The following RAB11FIP3 variants were observed in gnomAD, a reference collection of about 807,000 sequenced individuals.
RAB11FIP3 encodes the protein rab11 family-interacting protein 3.
In RAB11FIP3, 17 loss-of-function variants were observed where a neutral mutation model predicts 77.8. The observed-to-expected ratio is 0.22, with a 90% CI of 0.15 to 0.33. The LOEUF is 0.33. Among genes scored for constraint, RAB11FIP3 ranks in the 10% least tolerant of loss-of-function variants. The pLI, the probability that RAB11FIP3 is intolerant of heterozygous loss-of-function variation, is 1.00. For missense variants in RAB11FIP3, 1,005 were observed against 1,011.2 expected (o/e 0.99, Z 0.08); for synonymous variants, 437 against 448.2 (o/e 0.98, Z 0.31).
intron 6 of RAB11FIP3, among the ~76,000 whole-genome samples, chr16:501,791 CAAGG>C (rs2031543014): frequency 6.7e-6 from 1 of 148,698 alleles, no homozygotes; most frequent in Non-Finnish European, 1.5e-5. Flanking sequence ...ATTTCACAGG[CAAGG>C]AAGTTCAGAG....
intron 1 of RAB11FIP3, among the ~76,000 whole-genome samples, chr16:436,977 T>A (rs1207909375): frequency 1.3e-5 from 2 of 152,000 alleles, no homozygotes; most frequent in Non-Finnish European, 2.9e-5. Context: ...CTGTTTTTCC[T>A]AATAGCTAGA....
chr16:444,617 G>A (rs1015629579), intron 1 of RAB11FIP3, among the ~76,000 whole-genome samples: 6 of 152,164 alleles, frequency 3.9e-5, no homozygotes, highest in African/African-American at 1.4e-4. Context: ...GGAGGCTGAG[G>A]CAGGTGTTTT....
Position 426,917 on chromosome 16 carries a change from T to A in RAB11FIP3, c.714+197T>A, listed in dbSNP as rs2054956766. On this transcript the variant is annotated intron_variant, in intron 1 of 13. Coordinates refer to ENST00000262305, the MANE Select transcript of RAB11FIP3 (RefSeq NM_014700.4). This position sits in a 1 kb window ranked among gnomAD's most constrained non-coding sequence, Gnocchi z 5.0. ...TTGCGCTGGAGTCCCTCTTCCCTTC[T>A]TAAAAGGAGGTTCTATTCTGGGGAG... Among the ~76,000 whole-genome samples the A allele has an allele frequency of 6.6e-6, 1 of 152,152 alleles. No homozygotes were observed. The highest frequency in any genetic ancestry group is 2.4e-5 in the African/African-American group (1 of 41,442).
chr16:474,580 A>T (rs531093311), intron 3 of RAB11FIP3, among the ~76,000 whole-genome samples: 1 of 152,122 alleles, frequency 6.6e-6, no homozygotes, highest in Admixed American at 6.6e-5. Context: ...AGGGAAAGTC[A>T]GGGAGTGTAA....
intron 3 of RAB11FIP3, among the ~76,000 whole-genome samples, chr16:474,081 T>C (rs1465265980): frequency 3.3e-5 from 5 of 152,192 alleles, no homozygotes; most frequent in Admixed American, 2.0e-4. Flanking sequence ...TATGGAAAAT[T>C]TGCTCTTTTA....
At chr16:488,799 G>A (rs565885269) in intron 4 of RAB11FIP3, 52 bp from the exon 5 acceptor site, 14 of 1,584,036 alleles carry the variant, frequency 8.8e-6, no homozygotes, top group African/African-American at 1.3e-5. Flanking sequence ...CCCTCAGCTC[G>A]GGGGTGCCCT....
chr16:505,446 C>A lies in RAB11FIP3; in HGVS notation c.1396-78C>A. 1 of 1,173,880 alleles carries A rather than the reference C, an allele frequency of 8.5e-7. No individual in the cohort carries two copies. Among genetic ancestry groups the A allele is most frequent in the Non-Finnish European group, 1.2e-6 (1 of 833,154 alleles). The allele number at this position is 1,173,880 out of a possible 1,614,324, so 72.7% of individuals were successfully genotyped here. A position where few individuals can be genotyped will look rare whatever the true frequency, so the allele number is the denominator to read the frequency against. On this transcript the variant is annotated intron_variant, in intron 7 of 13. Transcript: ENST00000262305. This position sits in a 1 kb window ranked among gnomAD's most constrained non-coding sequence, Gnocchi z 4.0. ...TGTGCTGAGAAAATCCCCAGGCGGCCTCCCAGGTTGTTCCCTTGGGGGTGC... is the reference window on the plus strand; with the variant it reads ...TGTGCTGAGAAAATCCCCAGGCGGCATCCCAGGTTGTTCCCTTGGGGGTGC...
chr16:475,054 A>G, intron 3 of RAB11FIP3: 1 of 1,551,684 alleles, frequency 6.4e-7, no homozygotes, highest in South Asian at 1.2e-5. Flanking sequence ...AGGTGTGTAC[A>G]GAGCCAGGCC....
chr16:508,171 TG>T (rs780291449), intron 8 of RAB11FIP3, among the ~76,000 whole-genome samples: 1 of 152,224 alleles, frequency 6.6e-6, no homozygotes, highest in Non-Finnish European at 1.5e-5. Context: ...ATAGTGTAGC[TG>T]GGCATAAAAT....
chr16:441,344 A>G (rs995401227), intron 1 of RAB11FIP3, among the ~76,000 whole-genome samples: 2 of 152,146 alleles, frequency 1.3e-5, no homozygotes, highest in Non-Finnish European at 2.9e-5. Context: ...CGTATCCACG[A>G]TTAAACAAAC....
At chr16:502,957 C>A in intron 6 of RAB11FIP3, 47 bp from the exon 7 acceptor site, 1 of 1,440,444 alleles carries the variant, frequency 6.9e-7, no homozygotes, top group Non-Finnish European at 9.8e-7. Flanking sequence ...GGAGCATGTC[C>A]TGTGGTTTTT....
rs1481719645 is a variant in RAB11FIP3 at position 522,832 on chromosome 16, G to C, written c.*1993G>C. 6.6e-6 allele frequency: 1 copy of C among 152,350 alleles called. No individual in the cohort carries two copies. Among genetic ancestry groups the C allele is most frequent in the African/African-American group, 2.4e-5 (1 of 41,440 alleles). The allele number at this position is 152,350 out of a possible 1,614,324, so 9.4% of individuals were successfully genotyped here. ...TCTGGGGACGTACGTCCCATGTCGG[G>C]AGAGCCGTCAAAACGTCCCCGGGAT... On this transcript the variant is annotated 3_prime_UTR_variant, in exon 14 of 14. Coordinates refer to ENST00000262305, the MANE Select transcript of RAB11FIP3 (RefSeq NM_014700.4).
intron 6 of RAB11FIP3, among the ~76,000 whole-genome samples, chr16:497,695 C>T (rs1452237200): frequency 6.6e-6 from 1 of 152,168 alleles, no homozygotes; most frequent in East Asian, 1.9e-4. Flanking sequence ...CCCCGTCTTC[C>T]TTCTCATTTG....
At chr16:485,363 C>T (rs180953350) in intron 4 of RAB11FIP3, among the ~76,000 whole-genome samples, 1 of 152,240 alleles carries the variant, frequency 6.6e-6, no homozygotes, top group African/African-American at 2.4e-5. Flanking sequence ...ATCACAGATC[C>T]TTTTTGCTGC....
intron 1 of RAB11FIP3, among the ~76,000 whole-genome samples, chr16:433,651 A>G (rs2055078114): frequency 6.6e-6 from 1 of 151,554 alleles, no homozygotes; most frequent in South Asian, 2.1e-4. Context: ...GATCGAGACC[A>G]TCCTAGCTAA....
chr16:427,278 T>A (rs1027166834), intron 1 of RAB11FIP3, among the ~76,000 whole-genome samples: 1 of 152,220 alleles, frequency 6.6e-6, no homozygotes, highest in Non-Finnish European at 1.5e-5. Context: ...AGTCAATGCT[T>A]GTAGAGAGTC....
intron 7 of RAB11FIP3, among the ~76,000 whole-genome samples, chr16:503,629 C>A (rs988973145): frequency 6.6e-6 from 1 of 152,116 alleles, no homozygotes; most frequent in African/African-American, 2.4e-5. Context: ...CCTGGAATCC[C>A]AGCACATTAG....
intron 3 of RAB11FIP3, among the ~76,000 whole-genome samples, chr16:480,296 A>AG (rs1304595510): frequency 1.3e-5 from 2 of 151,516 alleles, no homozygotes; most frequent in East Asian, 3.9e-4. Context: ...CAAAAAAAAA[A>AG]AAAAAAAAAA....
chr16:494,550 A>C (rs1427114414), intron 5 of RAB11FIP3, among the ~76,000 whole-genome samples: 12 of 151,760 alleles, frequency 7.9e-5, no homozygotes, highest in Admixed American at 7.9e-4. Flanking sequence ...TGAACCCGGG[A>C]GGTGGAACTT....
Sources: allele counts gnomAD v4.1 joint callset (sites outside exome capture counted in the v4.1 genomes callset), GRCh38; gene constraint gnomAD v4.1.1; non-coding constraint Gnocchi (gnomAD v3.1); transcripts MANE v1.5; gene names NCBI Gene and HGNC (gene_info 2026-07-23, HGNC 2026-07-21).